Variants in GTF2IRD1 observed in about 807,000 individuals in gnomAD.
GTF2IRD1 encodes the protein GTF2I repeat domain containing 1.
Under a neutral mutation model 113.2 loss-of-function variants are expected in GTF2IRD1, and 26 were observed. That is an observed-to-expected ratio of 0.23 (90% CI 0.17 to 0.32). GTF2IRD1 has a LOEUF of 0.32. Among genes scored for constraint, GTF2IRD1 ranks in the 10% least tolerant of loss-of-function variants. GTF2IRD1 has a pLI of 1.00. For missense variants in GTF2IRD1, 864 were observed against 1,280.8 expected, an observed-to-expected ratio of 0.67 and a Z score of 4.97; for synonymous variants, 484 against 529.1, an observed-to-expected ratio of 0.91 and a Z score of 1.17.
At chr7:74,479,737 C>T (rs1294975998) in intron 1 of GTF2IRD1, among the ~76,000 whole-genome samples, 1 of 147,186 alleles carries the variant, frequency 6.8e-6, no homozygotes, top group African/African-American at 2.5e-5. Flanking sequence ...CAGTAAAGTA[C>T]ATGAGTACAT....
chr7:74,555,212 T>A lies in GTF2IRD1; in HGVS notation c.1955T>A (p.Met652Lys). 6.2e-7 allele frequency: 1 copy of A among 1,613,566 alleles called. No individual in the cohort carries two copies. Among genetic ancestry groups the A allele is most frequent in the Non-Finnish European group, 8.5e-7 (1 of 1,179,880 alleles). Residue 652 changes from methionine (M) to lysine (K), a missense_variant, in exon 18 of 27, where the codon ATG becomes AAG. By Grantham distance (95) the Met-to-Lys change is moderately conservative (BLOSUM62 -1). This residue lies in a region of GTF2IRD1 where 195 missense variants were observed against 359.1 expected (regional missense o/e 0.54). Transcript: ENST00000424337. The surrounding 1 kb of genome is among the most constrained non-coding windows in gnomAD (Gnocchi z 5.3). ...LLTEGVKEPI[M>K]DSQERDSGDP... ...ACTGAGGGAGTCAAAGAGCCCATCA[T>A]GGATAGTCAAGGTACCCAGCGCGGG...
intron 14 of GTF2IRD1, 82 bp downstream of exon 14, chr7:74,540,050 CAGGTG>C: frequency 2.0e-6 from 2 of 980,320 alleles, no homozygotes; most frequent in Non-Finnish European, 1.6e-6. Flanking sequence ...AGGCCGTCCC[CAGGTG>C]TTTCTTGGTG....
intron 17 of GTF2IRD1, among the ~76,000 whole-genome samples, chr7:74,552,800 T>G (rs1314992262): frequency 2.0e-5 from 3 of 152,144 alleles, no homozygotes; most frequent in Non-Finnish European, 4.4e-5. Context: ...ATTGGTTTTT[T>G]GTTTTTTGTG....
At chr7:74,553,646 G>C (rs1384888260) in intron 17 of GTF2IRD1, among the ~76,000 whole-genome samples, 3 of 152,178 alleles carry the variant, frequency 2.0e-5, no homozygotes, top group African/African-American at 7.2e-5. Context: ...AAGGGAGACA[G>C]GTCAGTGCAG....
At chr7:74,467,911 T>C (rs1459761700) in intron 1 of GTF2IRD1, among the ~76,000 whole-genome samples, 2 of 152,086 alleles carry the variant, frequency 1.3e-5, no homozygotes, top group African/African-American at 4.8e-5. Flanking sequence ...ACCAGACTGG[T>C]CTTGAACTCC....
intron 7 of GTF2IRD1, among the ~76,000 whole-genome samples, chr7:74,521,649 C>T (rs1562831257): frequency 6.6e-6 from 1 of 152,056 alleles, no homozygotes; most frequent in Non-Finnish European, 1.5e-5. Context: ...GTAGTCCCAG[C>T]TACTTGGGAG....
chr7:74,559,011 C>A lies in GTF2IRD1; in HGVS notation c.2258C>A (p.Ala753Asp), dbSNP rs1799785916. 4.3e-6 allele frequency: 7 copies of A among 1,613,978 alleles called. No homozygotes were observed. The highest frequency in any genetic ancestry group is 5.9e-6 in the Non-Finnish European group (7 of 1,179,956). The stretch of plus-strand genomic sequence containing the variant: ...TCCCAGAACCTGGAGAGGATTCTTG[C>A]TGTGGCTGACAAGATCAAGTTCACA... ...FGSQNLERIL[A>D]VADKIKFTVT... The change falls in exon 21 of 27, where the codon GCT (alanine) becomes GAT (aspartate). Residue 753 changes from alanine to aspartate, a missense_variant. Ala to Asp is a moderately radical substitution (Grantham distance 126). Around this residue, in one of 7 missense-constraint regions of GTF2IRD1, gnomAD observed 195 missense variants for 359.1 expected, o/e 0.54. Coordinates refer to ENST00000424337, the MANE Select transcript of GTF2IRD1 (RefSeq NM_005685.4).
At chr7:74,476,525 G>A (rs530840036) in intron 1 of GTF2IRD1, among the ~76,000 whole-genome samples, 4 of 152,006 alleles carry the variant, frequency 2.6e-5, no homozygotes, top group South Asian at 2.1e-4. Flanking sequence ...CACCAGGCTC[G>A]GCTAATTTTT....
intron 1 of GTF2IRD1, among the ~76,000 whole-genome samples, chr7:74,464,894 G>A (rs926757312): frequency 1.2e-4 from 19 of 152,094 alleles, no homozygotes; most frequent in Admixed American, 6.6e-5. Flanking sequence ...TCAAAGGCTG[G>A]ACCCTGGGGC....
Position 74,519,563 on chromosome 7 carries a change from G to A in GTF2IRD1, c.760G>A (p.Ala254Thr). ...CCCAACCGCCACCTCCTCCTCCATG[G>A]CCAGCTTCCTGTACAGCACGGCGCT... ...LPPTATSSSM[A>T]SFLYSTALPN... Residue 254 changes from alanine (A) to threonine (T), a missense_variant, in exon 6 of 27, where the codon GCC (alanine) becomes ACC (threonine). Ala to Thr is a moderately conservative substitution (Grantham distance 58). Around this residue, in one of 7 missense-constraint regions of GTF2IRD1, gnomAD observed 195 missense variants for 196.6 expected, o/e 0.99. Transcript: ENST00000424337. 6.2e-7 allele frequency: 1 copy of A among 1,612,100 alleles called. No homozygotes were observed. Among genetic ancestry groups the A allele is most frequent in the Non-Finnish European group, 8.5e-7 (1 of 1,179,502 alleles).
chr7:74,558,187 G>A (rs1476905228), intron 20 of GTF2IRD1, among the ~76,000 whole-genome samples: 1 of 150,936 alleles, frequency 6.6e-6, no homozygotes, highest in Non-Finnish European at 1.5e-5. Flanking sequence ...GCTGAAGCAG[G>A]AGAATCGCTT....
chr7:74,531,238 G>A (rs1749337578), intron 9 of GTF2IRD1, among the ~76,000 whole-genome samples: 1 of 152,056 alleles, frequency 6.6e-6, no homozygotes, highest in Admixed American at 6.6e-5. Flanking sequence ...AGGTGTGGTG[G>A]CGCACGCCTG....
At position 74,501,449 on chromosome 7, in the gene GTF2IRD1, C is replaced by T. The variant is rs541787262; in HGVS notation, c.-6-6626C>T. Among the ~76,000 whole-genome samples the T allele has an allele frequency of 3.3e-4, 50 of 152,338 alleles. 1 individual carries two copies. In the South Asian group the frequency reaches 9.1e-3, roughly 28 times the overall value. On this transcript the variant is annotated intron_variant, in intron 1 of 26. Coordinates refer to ENST00000424337, the MANE Select transcript of GTF2IRD1 (RefSeq NM_005685.4). ...GAAACAGCCCTGTGACTCCTTCCGT[C>T]TCTTCCCTCCGGAGGGGGCGGTCCT...
rs782487973 is a variant in GTF2IRD1 at position 74,524,174 on chromosome 7, C to A, written c.1090+20C>A. 22 of 1,543,862 alleles carry A rather than the reference C, an allele frequency of 1.4e-5. No individual in the cohort carries two copies. The Middle Eastern group carries it at 5.2e-4, about 36-fold the overall frequency. Reference sequence around the variant, plus strand: ...GATATGGTGAGTGGGCGGCGCGGCCCGCCGTGTGGCCCCAGCAGCCGTGTT... The same window carrying A: ...GATATGGTGAGTGGGCGGCGCGGCCAGCCGTGTGGCCCCAGCAGCCGTGTT... On this transcript the variant is annotated intron_variant, in intron 8 of 26. Transcript: ENST00000424337.
rs193167148 is a variant in GTF2IRD1 at position 74,470,307 on chromosome 7, G to T, written c.-7+16131G>T. Reference sequence around the variant, plus strand: ...GGCCAAATTCACCATTTTAAAATACGCTATGCAATATTTTTAGTATCATCA... The same window carrying T: ...GGCCAAATTCACCATTTTAAAATACTCTATGCAATATTTTTAGTATCATCA... On this transcript the variant is annotated intron_variant, in intron 1 of 26. Coordinates refer to ENST00000424337, the MANE Select transcript of GTF2IRD1 (RefSeq NM_005685.4). Among the ~76,000 whole-genome samples, 5 of 152,156 alleles carry T rather than the reference G, an allele frequency of 3.3e-5. No individual in the cohort carries two copies. In the South Asian group the frequency reaches 1.0e-3, roughly 32 times the overall value.
At chr7:74,548,794 C>G (rs1291427870) in intron 17 of GTF2IRD1, among the ~76,000 whole-genome samples, 1 of 151,836 alleles carries the variant, frequency 6.6e-6, no homozygotes, top group African/African-American at 2.4e-5. Context: ...ATCTCAGCTA[C>G]TCAGGAGGCT....
intron 9 of GTF2IRD1, among the ~76,000 whole-genome samples, chr7:74,532,527 C>G (rs1798022524): frequency 6.6e-6 from 1 of 152,196 alleles, no homozygotes; most frequent in South Asian, 2.1e-4. Context: ...GCACTCCAGC[C>G]TGGGCGACAG....
chr7:74,514,711 G>A (rs587661725), intron 3 of GTF2IRD1, among the ~76,000 whole-genome samples: 3 of 151,886 alleles, frequency 2.0e-5, no homozygotes, highest in Non-Finnish European at 2.9e-5. Flanking sequence ...ACCCTCTGCC[G>A]GAGGGTTTTC....
intron 4 of GTF2IRD1, among the ~76,000 whole-genome samples, 153 bp downstream of exon 4, chr7:74,515,749 A>G (rs1362484059): frequency 1.3e-5 from 2 of 151,902 alleles, no homozygotes; most frequent in Non-Finnish European, 2.9e-5. Flanking sequence ...GCCCTTCCTC[A>G]TCTCTGCATT....
Sources: gnomAD v4.1 joint callset for allele counts (sites outside exome capture counted in the v4.1 genomes callset) on GRCh38, gnomAD v4.1.1 for gene constraint, gnomAD v4.1.1 regional missense constraint, Gnocchi (gnomAD v3.1) non-coding constraint, MANE v1.5 for transcripts, NCBI Gene and HGNC (gene_info 2026-07-23, HGNC 2026-07-21) for gene names.